ST6GALNAC3: variants seen among roughly 807,000 people sequenced by gnomAD.
ST6GALNAC3 encodes ST6 N-acetylgalactosaminide alpha-2,6-sialyltransferase 3.
Under a neutral mutation model 32.7 loss-of-function variants are expected in ST6GALNAC3, and 25 were observed. That is an observed-to-expected ratio of 0.76 (90% CI 0.56 to 1.07). ST6GALNAC3 has a LOEUF of 1.07. Ranked by LOEUF, ST6GALNAC3 falls within the 50% of genes least tolerant of loss-of-function variation. ST6GALNAC3 has a pLI of 0.00. For missense variants in ST6GALNAC3, 355 were observed against 382.4 expected, an observed-to-expected ratio of 0.93 and a Z score of 0.60; for synonymous variants, 129 against 133.1, an observed-to-expected ratio of 0.97 and a Z score of 0.21.
chr1:76,454,615 T>G (rs2101568853), intron 3 of ST6GALNAC3, among the ~76,000 whole-genome samples: 1 of 152,272 alleles, frequency 6.6e-6, no homozygotes, highest in Non-Finnish European at 1.5e-5. Flanking sequence ...AGGGCCCAAA[T>G]CCCTTCTAGC....
At chr1:76,541,847 G>C (rs150191868) in intron 3 of ST6GALNAC3, among the ~76,000 whole-genome samples, 2 of 152,152 alleles carry the variant, frequency 1.3e-5, no homozygotes, top group Non-Finnish European at 2.9e-5. Flanking sequence ...TGTGAGGCAC[G>C]TGCTGCTGCT....
At chr1:76,355,147 A>G (rs1338331107) in intron 2 of ST6GALNAC3, among the ~76,000 whole-genome samples, 1 of 152,140 alleles carries the variant, frequency 6.6e-6, no homozygotes, top group Non-Finnish European at 1.5e-5. Flanking sequence ...ACAATGGATT[A>G]ATTTTTTTTC....
intron 3 of ST6GALNAC3, among the ~76,000 whole-genome samples, chr1:76,454,479 T>A (rs1657629099): frequency 6.6e-6 from 1 of 152,160 alleles, no homozygotes; most frequent in African/African-American, 2.4e-5. Context: ...GCTAGCTTGG[T>A]AGTACAAATT....
chr1:76,577,325 C>T (rs1165865461), intron 3 of ST6GALNAC3: 1 of 986,878 alleles, frequency 1.0e-6, no homozygotes, highest in Non-Finnish European at 1.2e-6. Context: ...TTGCCACTGC[C>T]TCTTTCTGCT....
intron 1 of ST6GALNAC3, among the ~76,000 whole-genome samples, chr1:76,261,685 C>T (rs1658246299): frequency 6.6e-6 from 1 of 152,172 alleles, no homozygotes. Flanking sequence ...GAAGCAGGTG[C>T]CAAACAGCAG....
intron 1 of ST6GALNAC3, among the ~76,000 whole-genome samples, chr1:76,242,866 T>TTC (rs1657047268): frequency 6.6e-6 from 1 of 152,220 alleles, no homozygotes; most frequent in Non-Finnish European, 1.5e-5. Context: ...AGTGGGCATT[T>TTC]GGGTTGGTTC....
At chr1:76,511,451 G>T (rs1298089199) in intron 3 of ST6GALNAC3, among the ~76,000 whole-genome samples, 1 of 152,158 alleles carries the variant, frequency 6.6e-6, no homozygotes, top group Non-Finnish European at 1.5e-5. Context: ...TCCTGCTGCT[G>T]CTCACATCCC....
chr1:76,271,841 A>C (rs1658859737), intron 1 of ST6GALNAC3, among the ~76,000 whole-genome samples: 1 of 152,094 alleles, frequency 6.6e-6, no homozygotes, highest in South Asian at 2.1e-4. Context: ...TGGTGAGAAG[A>C]GGTTAGATTT....
intron 1 of ST6GALNAC3, among the ~76,000 whole-genome samples, chr1:76,230,942 C>T (rs893028794): frequency 1.3e-5 from 2 of 152,238 alleles, no homozygotes; most frequent in Non-Finnish European, 2.9e-5. Context: ...TATGCACGCA[C>T]ATTTGCAATG....
chr1:76,119,042 C>T (rs750194634), intron 1 of ST6GALNAC3, among the ~76,000 whole-genome samples: 1 of 152,166 alleles, frequency 6.6e-6, no homozygotes, highest in Non-Finnish European at 1.5e-5. Context: ...AGGCTGGTCT[C>T]GATCTCCTGA....
intron 3 of ST6GALNAC3, among the ~76,000 whole-genome samples, chr1:76,586,547 T>A (rs1646965081): frequency 6.6e-6 from 1 of 152,194 alleles, no homozygotes; most frequent in Non-Finnish European, 1.5e-5. Context: ...ATGATAATGT[T>A]CATTGCTAGG....
chr1:76,422,076 T>G (rs1294546434), intron 3 of ST6GALNAC3, among the ~76,000 whole-genome samples: 1 of 151,994 alleles, frequency 6.6e-6, no homozygotes, highest in Admixed American at 6.6e-5. Flanking sequence ...TTTTAGTGTT[T>G]TCTATGTATT....
At chr1:76,407,191 G>T (rs151012625) in intron 2 of ST6GALNAC3, among the ~76,000 whole-genome samples, 266 of 152,180 alleles carry the variant, frequency 1.7e-3, no homozygotes, top group African/African-American at 6.1e-3. Flanking sequence ...ATTGACTCTA[G>T]TTGATCATGA....
chr1:76,405,014 T>C (rs11162148), intron 2 of ST6GALNAC3, among the ~76,000 whole-genome samples: 27,548 of 152,106 alleles, frequency 0.18, 3,126 homozygotes, highest in East Asian at 0.54. Flanking sequence ...AGATATCAAA[T>C]AGAAATTCAT....
chr1:76,347,031 A>T (rs1414083042), intron 2 of ST6GALNAC3, among the ~76,000 whole-genome samples: 1 of 152,106 alleles, frequency 6.6e-6, no homozygotes, highest in Non-Finnish European at 1.5e-5. Context: ...AGCTTACTGC[A>T]TATCCTTTCA....
chr1:76,112,948 G>A (rs1648167464), intron 1 of ST6GALNAC3, among the ~76,000 whole-genome samples: 1 of 152,200 alleles, frequency 6.6e-6, no homozygotes, highest in Non-Finnish European at 1.5e-5. Flanking sequence ...CGGCCGGGCA[G>A]AGGCTGCAAT....
In ST6GALNAC3 at chr1:76,538,033, T is replaced by C. The variant is rs1033072979; in HGVS notation, c.624-89419T>C. 2.4e-4 allele frequency among the ~76,000 whole-genome samples: 37 copies of C among 152,146 alleles called. 1 individual carries two copies. Among genetic ancestry groups the C allele is most frequent in the Non-Finnish European group, 1.5e-4 (10 of 68,026 alleles). ...AATTCATTTTATGAAGCCAGCATCATCCTGATACCAAGACAGGGAAGAAGC... is the reference window on the plus strand; with the variant it reads ...AATTCATTTTATGAAGCCAGCATCACCCTGATACCAAGACAGGGAAGAAGC... On this transcript the variant is annotated intron_variant, in intron 3 of 4. Transcript: ENST00000328299.
chr1:76,605,861 T>TAAAAAA (rs1159864958), intron 3 of ST6GALNAC3, among the ~76,000 whole-genome samples: 957 of 58,874 alleles, frequency 0.016, 189 homozygotes, highest in African/African-American at 0.024. Flanking sequence ...GGAGACTCCA[T>TAAAAAA]AAAAAAAAAA....
chr1:76,127,683 G>T lies in ST6GALNAC3; in HGVS notation c.18+52799G>T, dbSNP rs935417745. ...AGCATCGAATGTTGGAATAAAGTCT[G>T]CAGGGGCAGCTGGTAATATGTCAGC... On this transcript the variant is annotated intron_variant, in intron 1 of 4. Coordinates refer to ENST00000328299, the MANE Select transcript of ST6GALNAC3 (RefSeq NM_152996.4). 2.6e-5 allele frequency among the ~76,000 whole-genome samples: 4 copies of T among 152,246 alleles called. No homozygotes were observed. The East Asian group carries it at 5.8e-4, about 22-fold the overall frequency.
Sources: gnomAD v4.1 joint callset for allele counts (sites outside exome capture counted in the v4.1 genomes callset) on GRCh38, gnomAD v4.1.1 for gene constraint, MANE v1.5 for transcripts, NCBI Gene and HGNC (gene_info 2026-07-23, HGNC 2026-07-21) for gene names.